GMPS: variants seen among roughly 807,000 people sequenced by gnomAD.
The protein encoded by GMPS is GMP synthase [glutamine-hydrolyzing].
In GMPS, 15 loss-of-function variants were observed where a neutral mutation model predicts 77.9. The observed-to-expected ratio is 0.19, with a 90% CI of 0.13 to 0.30. The LOEUF is 0.30. Ranked by LOEUF, GMPS falls within the 10% of genes least tolerant of loss-of-function variation. The pLI is 1.00. For missense variants in GMPS, 590 were observed against 838.8 expected (o/e 0.70, Z 3.66); for synonymous variants, 224 against 275.9 (o/e 0.81, Z 1.86).
intron 12 of GMPS, among the ~76,000 whole-genome samples, chr3:155,929,578 C>T (rs1233139529): frequency 6.7e-6 from 1 of 148,630 alleles, no homozygotes; most frequent in Non-Finnish European, 1.5e-5. Flanking sequence ...CAAGTTGTCC[C>T]TGTTTGCAGA....
At chr3:155,909,124 G>A (rs1577518749) in intron 5 of GMPS, among the ~76,000 whole-genome samples, 2 of 152,302 alleles carry the variant, frequency 1.3e-5, no homozygotes, top group African/African-American at 4.8e-5. Context: ...TTGGGAGCCT[G>A]TCAGGCCTGA....
chr3:155,917,295 T>C (rs77960502), intron 9 of GMPS, among the ~76,000 whole-genome samples: 1 of 152,178 alleles, frequency 6.6e-6, no homozygotes, highest in African/African-American at 2.4e-5. Flanking sequence ...TTTTTAAGTA[T>C]ATAGTTCAGT....
Position 155,909,053 on chromosome 3 carries a change from G to A in GMPS, c.527-1639G>A, listed in dbSNP as rs552489918. On this transcript the variant is annotated intron_variant, in intron 5 of 15. Coordinates refer to ENST00000496455, the MANE Select transcript of GMPS (RefSeq NM_003875.3). ...ACAGTAAAATAAGTGAACCAAGAGA[G>A]TGGTATGCTGAGAGCCAAATAAAGT... 2.6e-5 allele frequency among the ~76,000 whole-genome samples: 4 copies of A among 152,276 alleles called. 1 individual carries two copies. In the South Asian group the frequency reaches 6.2e-4, roughly 24 times the overall value.
upstream of GMPS, among the ~76,000 whole-genome samples, chr3:155,870,111 T>C (rs1448543074): frequency 2.0e-5 from 3 of 152,204 alleles, no homozygotes; most frequent in Non-Finnish European, 4.4e-5. Context: ...TGTATAACTT[T>C]TGAAGTATCT....
intron 1 of GMPS, among the ~76,000 whole-genome samples, chr3:155,885,254 T>A (rs1345085592): frequency 6.6e-6 from 1 of 152,206 alleles, no homozygotes; most frequent in Non-Finnish European, 1.5e-5. Context: ...ATTGAAAACT[T>A]AAACATAGTA....
At chr3:155,922,129 A>AT in intron 10 of GMPS, 58 bp from the exon 11 acceptor site, 1 of 692,918 alleles carries the variant, frequency 1.4e-6, no homozygotes, top group South Asian at 2.3e-5. Flanking sequence ...TTTATATTAG[A>AT]TTTTTATATT....
intron 11 of GMPS, among the ~76,000 whole-genome samples, chr3:155,922,789 A>G (rs1235474449): frequency 6.6e-6 from 1 of 152,218 alleles, no homozygotes; most frequent in Non-Finnish European, 1.5e-5. Context: ...TTGAAGATGA[A>G]TGGAAAAATT....
chr3:155,937,440 CATTAT>C (rs1203696563), intron 15 of GMPS, 146 bp from the exon 16 acceptor site: 37 of 590,844 alleles, frequency 6.3e-5, no homozygotes, highest in Non-Finnish European at 1.1e-4. Context: ...GGAATAGGTT[CATTAT>C]ATAAGATTAA....
intron 4 of GMPS, 132 bp from the exon 5 acceptor site, chr3:155,906,028 G>A: frequency 2.0e-6 from 1 of 492,772 alleles, no homozygotes; most frequent in Admixed American, 3.8e-5. Context: ...AATTCTAGCA[G>A]TATTCCATTG....
At chr3:155,907,091 C>T (rs547683321) in intron 5 of GMPS, among the ~76,000 whole-genome samples, 4 of 152,104 alleles carry the variant, frequency 2.6e-5, no homozygotes, top group Non-Finnish European at 4.4e-5. Flanking sequence ...AATCTGCCTG[C>T]TGTTACTTAA....
chr3:155,910,568 CAAAAAAAA>C, intron 5 of GMPS, 116 bp from the exon 6 acceptor site: 1 of 258,406 alleles, frequency 3.9e-6, no homozygotes, highest in Non-Finnish European at 6.5e-6. Context: ...GACTCTGTCT[CAAAAAAAA>C]AAAAAAAAAA....
chr3:155,879,860 A>T (rs377142812), intron 1 of GMPS, among the ~76,000 whole-genome samples: 23 of 150,530 alleles, frequency 1.5e-4, no homozygotes, highest in African/African-American at 5.1e-4. Flanking sequence ...CCTCCTGAGT[A>T]GCTGGGATTT....
chr3:155,917,636 G>A (rs1755215739), intron 9 of GMPS, among the ~76,000 whole-genome samples: 1 of 152,092 alleles, frequency 6.6e-6, no homozygotes, highest in Non-Finnish European at 1.5e-5. Context: ...GCTTTGGGAG[G>A]CTGAGGCGGG....
chr3:155,888,218 T>C (rs1394225000), intron 1 of GMPS, among the ~76,000 whole-genome samples: 1 of 151,850 alleles, frequency 6.6e-6, no homozygotes, highest in African/African-American at 2.4e-5. Context: ...CTTTTTTTTT[T>C]TTTTTTTAAT....
At chr3:155,919,892 G>A (rs778470029) in intron 10 of GMPS, among the ~76,000 whole-genome samples, 14 of 152,166 alleles carry the variant, frequency 9.2e-5, no homozygotes, top group Non-Finnish European at 1.8e-4. Flanking sequence ...AGTTAGGACT[G>A]CAAGTCTTAA....
At chr3:155,907,241 C>T (rs950041688) in intron 5 of GMPS, among the ~76,000 whole-genome samples, 3 of 152,010 alleles carry the variant, frequency 2.0e-5, no homozygotes, top group Non-Finnish European at 4.4e-5. Flanking sequence ...AACAAACATT[C>T]GAGTACCTAT....
intron 5 of GMPS, among the ~76,000 whole-genome samples, chr3:155,910,442 G>A (rs1401388860): frequency 6.6e-6 from 1 of 151,732 alleles, no homozygotes; most frequent in African/African-American, 2.4e-5. Flanking sequence ...GGTGGCACAC[G>A]CCTGTAATGC....
At chr3:155,894,500 C>T (rs1181390858) in intron 2 of GMPS, among the ~76,000 whole-genome samples, 1 of 151,968 alleles carries the variant, frequency 6.6e-6, no homozygotes, top group African/African-American at 2.4e-5. Context: ...CTGGGATTAC[C>T]GGCGTGAGCC....
At chr3:155,903,807 C>T in intron 3 of GMPS, 56 bp from the exon 4 acceptor site, 2 of 691,484 alleles carry the variant, frequency 2.9e-6, no homozygotes, top group East Asian at 2.8e-5. Context: ...ATCAGTATAA[C>T]AAAATGGGTA....
Sources: gnomAD v4.1 joint callset for allele counts (sites outside exome capture counted in the v4.1 genomes callset) on GRCh38, gnomAD v4.1.1 for gene constraint, MANE v1.5 for transcripts, NCBI Gene and HGNC (gene_info 2026-07-23, HGNC 2026-07-21) for gene names.